The following ULK4 variants were observed in gnomAD, a reference collection of about 807,000 sequenced individuals.
ULK4 encodes the protein unc-51 like kinase 4.
ULK4 carries 133 observed loss-of-function variants against 160.6 expected under a neutral mutation model. The observed-to-expected ratio is 0.83, with a 90% CI of 0.72 to 0.96. ULK4 has a LOEUF of 0.96. Ranked by LOEUF, ULK4 falls within the 40% of genes least tolerant of loss-of-function variation. ULK4 has a pLI of 0.00. For synonymous variants in ULK4, 534 were observed against 539.8 expected (o/e 0.99, Z 0.15); for missense variants, 1,580 against 1,499.5 (o/e 1.05, Z -0.89).
chr3:41,552,825 G>A (rs1329755918), intron 32 of ULK4, among the ~76,000 whole-genome samples: 1 of 151,878 alleles, frequency 6.6e-6, no homozygotes, highest in African/African-American at 2.4e-5. Context: ...GAAAAGGTTG[G>A]AGGCATCATA....
chr3:41,489,271 T>G (rs2084660031), intron 32 of ULK4, among the ~76,000 whole-genome samples: 1 of 152,190 alleles, frequency 6.6e-6, no homozygotes, highest in Non-Finnish European at 1.5e-5. Flanking sequence ...GACAAACACT[T>G]CAGCATTAGA....
intron 32 of ULK4, among the ~76,000 whole-genome samples, chr3:41,500,011 C>T (rs2085136186): frequency 6.6e-6 from 1 of 152,030 alleles, no homozygotes; most frequent in Admixed American, 6.5e-5. Flanking sequence ...AGTCACTGCT[C>T]TAGTCGTATT....
chr3:41,746,269 C>A (rs1272083975), intron 22 of ULK4, among the ~76,000 whole-genome samples: 2 of 92,410 alleles, frequency 2.2e-5, no homozygotes, highest in African/African-American at 1.0e-4. Flanking sequence ...CTCCTGGAAC[C>A]CACAAAAAAA....
rs200716083 is a variant in ULK4 at position 41,643,675 on chromosome 3, GCT to G, written c.3071+19930_3071+19931del. On this transcript the variant is annotated intron_variant, in intron 30 of 36. Transcript: ENST00000301831. ...GCTTAGGATTGACTCGGTGATGCAG[GCT>G]CTTTTTTGGTTCCATATGAACTTGA... 9.2e-3 allele frequency among the ~76,000 whole-genome samples: 1,404 copies of G among 152,180 alleles called. 21 individuals carry two copies. The highest frequency in any genetic ancestry group is 0.031 in the African/African-American group (1,294 of 41,508).
At chr3:41,332,207 G>GAA (rs546966550) in intron 35 of ULK4, among the ~76,000 whole-genome samples, 12 of 143,176 alleles carry the variant, frequency 8.4e-5, no homozygotes, top group South Asian at 2.2e-4. Context: ...CAGCCAAGAG[G>GAA]AAAAAAAAAA....
chr3:41,316,300 G>A (rs1401013598), intron 35 of ULK4, among the ~76,000 whole-genome samples: 1 of 152,078 alleles, frequency 6.6e-6, no homozygotes, highest in African/African-American at 2.4e-5. Flanking sequence ...TGACTTTTGG[G>A]GTGATAAAAA....
chr3:41,650,673 C>G (rs774423954), intron 30 of ULK4, among the ~76,000 whole-genome samples: 1 of 152,198 alleles, frequency 6.6e-6, no homozygotes, highest in African/African-American at 2.4e-5. Context: ...TAACACAAGC[C>G]GAGTGCAGCC....
At chr3:41,841,198 C>CTG in intron 17 of ULK4, among the ~76,000 whole-genome samples, 1 of 150,316 alleles carries the variant, frequency 6.7e-6, no homozygotes, top group African/African-American at 2.5e-5. Context: ...CTCTGCCCGG[C>CTG]CGCCCCGCCT....
chr3:41,504,724 A>T (rs1040667952), intron 32 of ULK4, among the ~76,000 whole-genome samples: 2 of 152,200 alleles, frequency 1.3e-5, no homozygotes, highest in Admixed American at 6.5e-5. Context: ...GAACATATCC[A>T]CATCAATATA....
chr3:41,435,459 T>C (rs1415798999), intron 34 of ULK4, among the ~76,000 whole-genome samples: 1 of 152,250 alleles, frequency 6.6e-6, no homozygotes, highest in Non-Finnish European at 1.5e-5. Flanking sequence ...GGATGGTTAA[T>C]GGGATCAAAT....
At chr3:41,633,827 C>A (rs1222819927) in intron 30 of ULK4, among the ~76,000 whole-genome samples, 2 of 152,098 alleles carry the variant, frequency 1.3e-5, no homozygotes, top group Non-Finnish European at 2.9e-5. Context: ...TTTGTCCTAC[C>A]AGGAGGCCAC....
intron 34 of ULK4, among the ~76,000 whole-genome samples, chr3:41,443,834 C>A (rs2083228093): frequency 6.6e-6 from 1 of 151,904 alleles, no homozygotes; most frequent in South Asian, 2.1e-4. Flanking sequence ...TAATATTTAA[C>A]TTATGTTACA....
At chr3:41,775,607 C>T (rs2039582568) in intron 21 of ULK4, among the ~76,000 whole-genome samples, 1 of 150,512 alleles carries the variant, frequency 6.6e-6, no homozygotes. Flanking sequence ...CTATGTTGGC[C>T]AGGCTGGTCT....
chr3:41,739,976 A>G (rs1357993290), intron 22 of ULK4, among the ~76,000 whole-genome samples: 1 of 151,926 alleles, frequency 6.6e-6, no homozygotes, highest in Admixed American at 6.6e-5. Context: ...TTAGCATACA[A>G]ATTTTATTTA....
At chr3:41,808,585 ATTTCT>A (rs1336570238) in intron 19 of ULK4, among the ~76,000 whole-genome samples, 1 of 152,210 alleles carries the variant, frequency 6.6e-6, no homozygotes, top group African/African-American at 2.4e-5. Flanking sequence ...TCAAAGACCT[ATTTCT>A]TCACAGCACT....
At chr3:41,257,409 A>C (rs1242544098) in intron 35 of ULK4, among the ~76,000 whole-genome samples, 2 of 152,136 alleles carry the variant, frequency 1.3e-5, no homozygotes, top group Admixed American at 1.3e-4. Context: ...AGGCAGGTGA[A>C]TCACTTGAGC....
At chr3:41,821,872 A>G (rs1478481088) in intron 18 of ULK4, among the ~76,000 whole-genome samples, 2 of 152,122 alleles carry the variant, frequency 1.3e-5, no homozygotes, top group African/African-American at 4.8e-5. Context: ...CTGAGTTACC[A>G]GTGACTTTCA....
In ULK4 at chr3:41,246,693, T is replaced by G. The variant is rs954102407; in HGVS notation, c.*236A>C. On this transcript the variant is annotated 3_prime_UTR_variant, in exon 37 of 37. Transcript: ENST00000301831. ...GGGAAAGAACATTTCTGAGAACAGC[T>G]AACAAACCTGGGCTTCCCAGATGCA... is the stretch of plus-strand genomic sequence containing the variant. 2 of 515,042 alleles carry G rather than the reference T, an allele frequency of 3.9e-6. No individual in the cohort carries two copies. Among genetic ancestry groups the G allele is most frequent in the South Asian group, 2.9e-5 (1 of 34,728 alleles). 31.9% of individuals were successfully genotyped at this position (515,042 alleles called of 1,614,324 possible). A position where few individuals can be genotyped will look rare whatever the true frequency, so the allele number is the denominator to read the frequency against.
chr3:41,605,823 G>A (rs1010912581), intron 31 of ULK4, among the ~76,000 whole-genome samples: 2 of 151,758 alleles, frequency 1.3e-5, no homozygotes, highest in Non-Finnish European at 2.9e-5. Flanking sequence ...TATATAAAAG[G>A]AATATTTATG....
Sources: gnomAD v4.1 joint callset for allele counts (sites outside exome capture counted in the v4.1 genomes callset) on GRCh38, gnomAD v4.1.1 for gene constraint, MANE v1.5 for transcripts, NCBI Gene and HGNC (gene_info 2026-07-23, HGNC 2026-07-21) for gene names.